ITGA8: variants seen among roughly 807,000 people sequenced by gnomAD.
ITGA8 encodes the protein integrin subunit alpha 8.
ITGA8 carries 91 observed loss-of-function variants against 142.3 expected under a neutral mutation model. The ratio of observed to expected loss-of-function variants is 0.64; its 90% CI spans 0.54 to 0.76. The LOEUF is 0.76. Ranked by LOEUF, ITGA8 falls within the 30% of genes least tolerant of loss-of-function variation. The pLI, the probability that ITGA8 is intolerant of heterozygous loss-of-function variation, is 0.00. For missense variants in ITGA8, 1,406 were observed against 1,327.7 expected (o/e 1.06, Z -0.92); for synonymous variants, 505 against 485.2 (o/e 1.04, Z -0.54).
In ITGA8 at chr10:15,718,816, C is replaced by G. The variant is rs1835501965; in HGVS notation, c.293G>C (p.Trp98Ser). The G allele has an allele frequency of 4.3e-6, 7 of 1,614,052 alleles. No individual in the cohort carries two copies. Among genetic ancestry groups the G allele is most frequent in the African/African-American group, 1.3e-5 (1 of 74,920 alleles). ...VEGGAVYYCP[W>S]PAEGSAQCRQ... ...GCACTGCGCAGACCCCTCCGCGGGC[C>G]AAGGACAGTAATAGACGGCTCCCCC... is the stretch of plus-strand genomic sequence containing the variant. The change falls in exon 2 of 30, where the codon TGG becomes TCG. Residue 98 changes from tryptophan (W) to serine (S), a missense_variant. Transcript: ENST00000378076.
intron 27 of ITGA8, among the ~76,000 whole-genome samples, chr10:15,541,281 T>C (rs1833564005): frequency 6.6e-6 from 1 of 152,222 alleles, no homozygotes; most frequent in Non-Finnish European, 1.5e-5. Flanking sequence ...TTGCTTGAAT[T>C]CTTTTCTGAA....
chr10:15,676,231 A>T (rs541671421), intron 6 of ITGA8, among the ~76,000 whole-genome samples: 1 of 152,142 alleles, frequency 6.6e-6, no homozygotes, highest in Non-Finnish European at 1.5e-5. Context: ...CGTAAGGTCC[A>T]GATCTCAGTT....
intron 24 of ITGA8, 58 bp downstream of exon 24, chr10:15,575,431 A>C (rs574363354): frequency 3.0e-4 from 342 of 1,151,482 alleles, no homozygotes; most frequent in Non-Finnish European, 4.2e-4. Context: ...CATAGAATTT[A>C]TTTGCACAGA....
chr10:15,575,273 C>G (rs1258530977), intron 24 of ITGA8, among the ~76,000 whole-genome samples: 1 of 151,988 alleles, frequency 6.6e-6, no homozygotes, highest in Non-Finnish European at 1.5e-5. Flanking sequence ...ACCTGTAGTC[C>G]CAGCTACTCA....
At chr10:15,653,308 A>G (rs944534260) in intron 11 of ITGA8, among the ~76,000 whole-genome samples, 2 of 151,422 alleles carry the variant, frequency 1.3e-5, no homozygotes, top group African/African-American at 2.4e-5. Context: ...AATACTCCCT[A>G]TCTCTCCTCT....
At chr10:15,673,758 A>T (rs908615926) in intron 6 of ITGA8, among the ~76,000 whole-genome samples, 1 of 151,742 alleles carries the variant, frequency 6.6e-6, no homozygotes, top group Non-Finnish European at 1.5e-5. Flanking sequence ...GTCCAATGAG[A>T]TCCAAAATTC....
chr10:15,666,087 G>C (rs1363052372), intron 8 of ITGA8, among the ~76,000 whole-genome samples: 1 of 152,170 alleles, frequency 6.6e-6, no homozygotes, highest in Non-Finnish European at 1.5e-5. Flanking sequence ...GGATGGCATT[G>C]AATCTATAAA....
chr10:15,691,103 C>A (rs952218905), intron 2 of ITGA8, among the ~76,000 whole-genome samples: 2 of 152,044 alleles, frequency 1.3e-5, no homozygotes, highest in South Asian at 2.1e-4. Flanking sequence ...GCTTAACATC[C>A]CTAATCATCA....
At chr10:15,667,040 GT>G (rs1228660565) in intron 8 of ITGA8, among the ~76,000 whole-genome samples, 77 of 152,326 alleles carry the variant, frequency 5.1e-4, no homozygotes, top group African/African-American at 1.8e-3. Context: ...CATAAAATGA[GT>G]TAGGGAGGAT....
intron 28 of ITGA8, among the ~76,000 whole-genome samples, chr10:15,528,713 G>A (rs114557071): frequency 0.012 from 1,851 of 152,060 alleles, 41 homozygotes; most frequent in African/African-American, 0.043. Context: ...AAACAAAAGG[G>A]CCCAGATTTA....
intron 27 of ITGA8, among the ~76,000 whole-genome samples, chr10:15,543,727 G>C (rs573936834): frequency 1.3e-5 from 2 of 152,306 alleles, no homozygotes; most frequent in South Asian, 4.1e-4. Flanking sequence ...ATTGATTTTA[G>C]AGGGTTGAAT....
chr10:15,673,127 G>A (rs975063454), intron 6 of ITGA8, among the ~76,000 whole-genome samples: 12 of 152,050 alleles, frequency 7.9e-5, no homozygotes, highest in African/African-American at 2.7e-4. Context: ...ACTATTGCCT[G>A]GGCTGGAGTG....
intron 23 of ITGA8, among the ~76,000 whole-genome samples, chr10:15,577,796 C>A (rs1297898359): frequency 1.3e-5 from 2 of 152,092 alleles, no homozygotes; most frequent in African/African-American, 4.8e-5. Context: ...CCAGTGTGGT[C>A]ATCTTACGAC....
intron 24 of ITGA8, among the ~76,000 whole-genome samples, chr10:15,573,979 T>C (rs1029078025): frequency 6.6e-6 from 1 of 152,188 alleles, no homozygotes; most frequent in Non-Finnish European, 1.5e-5. Context: ...AGAAAATTAT[T>C]TATGTTTGTT....
intron 20 of ITGA8, 117 bp downstream of exon 20, chr10:15,604,091 A>G: frequency 1.1e-6 from 1 of 874,522 alleles, no homozygotes; most frequent in East Asian, 2.4e-5. Context: ...AAAAGAAGGT[A>G]TCATTTTGCT....
chr10:15,624,052 A>C (rs1792869689), intron 13 of ITGA8, among the ~76,000 whole-genome samples: 1 of 152,038 alleles, frequency 6.6e-6, no homozygotes, highest in Admixed American at 6.5e-5. Flanking sequence ...CACTGTGTAG[A>C]TGGCCCACAG....
At chr10:15,649,899 C>A (rs1201209285) in intron 11 of ITGA8, among the ~76,000 whole-genome samples, 1 of 152,140 alleles carries the variant, frequency 6.6e-6, no homozygotes, top group African/African-American at 2.4e-5. Flanking sequence ...TCTTACAATG[C>A]TAAACATAGG....
In ITGA8 at chr10:15,608,247, C is replaced by T; in HGVS notation, c.1597G>A (p.Ala533Thr). ...AAAACATGCTTACCTATTGTGTTTGCAATGCTCTGGCCTGTGACAGATGCA... is the reference window on the plus strand; with the variant it reads ...AAAACATGCTTACCTATTGTGTTTGTAATGCTCTGGCCTGTGACAGATGCA... Reference protein sequence around the residue: ...VCASVTGQSIANTIVLMAEVQ... With the variant: ...VCASVTGQSITNTIVLMAEVQ... Residue 533 changes from alanine (A) to threonine (T), a missense_variant, in exon 16 of 30, where the codon GCA becomes ACA. Coordinates refer to ENST00000378076, the MANE Select transcript of ITGA8 (RefSeq NM_003638.3). The T allele has an allele frequency of 1.3e-6, 2 of 1,596,810 alleles. No homozygotes were observed. Among genetic ancestry groups the T allele is most frequent in the South Asian group, 1.1e-5 (1 of 87,968 alleles).
At chr10:15,566,928 A>G (rs2131577405) in intron 25 of ITGA8, among the ~76,000 whole-genome samples, 1 of 143,700 alleles carries the variant, frequency 7.0e-6, no homozygotes, top group African/African-American at 2.5e-5. Context: ...GCCTCTGAGG[A>G]GGGCAGATCA....
Sources: allele counts gnomAD v4.1 joint callset (sites outside exome capture counted in the v4.1 genomes callset), GRCh38; gene constraint gnomAD v4.1.1; transcripts MANE v1.5; gene names NCBI Gene and HGNC (gene_info 2026-07-23, HGNC 2026-07-21).